MMP16: variants seen among roughly 807,000 people sequenced by gnomAD.
MMP16 encodes matrix metalloproteinase-16.
In MMP16, 12 loss-of-function variants were observed where a neutral mutation model predicts 67.8. The observed-to-expected ratio is 0.18, with a 90% CI of 0.11 to 0.29. The LOEUF (loss-of-function observed/expected upper bound fraction) is 0.29. MMP16 is among the 10% of genes least tolerant of loss of function. The probability of loss-of-function intolerance (pLI) is 1.00; values close to 1 mark genes in which losing one functional copy is unlikely to be tolerated. For missense variants in MMP16, 475 were observed against 765.7 expected (o/e 0.62, Z 4.48); for synonymous variants, 249 against 255.9 (o/e 0.97, Z 0.26).
intron 4 of MMP16, among the ~76,000 whole-genome samples, chr8:88,123,090 G>A (rs1807867737): frequency 6.6e-6 from 1 of 151,898 alleles, no homozygotes; most frequent in Non-Finnish European, 1.5e-5. Flanking sequence ...ATAAATTGTT[G>A]TTTTAAGTTG....
At chr8:88,105,591 T>C (rs1403881018) in intron 6 of MMP16, among the ~76,000 whole-genome samples, 1 of 151,354 alleles carries the variant, frequency 6.6e-6, no homozygotes, top group Non-Finnish European at 1.5e-5. Context: ...CTATGGAAAA[T>C]TGGTTGCCCC....
At chr8:88,109,120 T>C (rs1445119028) in intron 6 of MMP16, among the ~76,000 whole-genome samples, 2 of 151,380 alleles carry the variant, frequency 1.3e-5, no homozygotes, top group African/African-American at 4.8e-5. Flanking sequence ...ATTTATTGAA[T>C]GTTATGAATG....
At chr8:88,165,007 T>G (rs1808688074) in intron 4 of MMP16, among the ~76,000 whole-genome samples, 1 of 151,538 alleles carries the variant, frequency 6.6e-6, no homozygotes, top group South Asian at 2.1e-4. Context: ...TGTCATAAAA[T>G]CTCCCTGTAG....
intron 1 of MMP16, among the ~76,000 whole-genome samples, chr8:88,301,022 A>G (rs765652878): frequency 1.3e-5 from 2 of 152,228 alleles, no homozygotes; most frequent in Non-Finnish European, 2.9e-5. Flanking sequence ...TTAATGTAAG[A>G]GCAGGGATCA....
At chr8:88,217,540 C>A (rs1318055711) in intron 1 of MMP16, among the ~76,000 whole-genome samples, 1 of 152,054 alleles carries the variant, frequency 6.6e-6, no homozygotes, top group Non-Finnish European at 1.5e-5. Context: ...TTACACCCTT[C>A]TCTGCCAATG....
At chr8:88,241,346 T>C (rs891188954) in intron 1 of MMP16, among the ~76,000 whole-genome samples, 2 of 152,124 alleles carry the variant, frequency 1.3e-5, no homozygotes, top group Admixed American at 6.5e-5. Flanking sequence ...TTTTTACTTC[T>C]AGCTTATTGC....
chr8:88,083,347 C>T (rs562936447), intron 6 of MMP16, among the ~76,000 whole-genome samples: 1 of 152,078 alleles, frequency 6.6e-6, no homozygotes, highest in Admixed American at 6.6e-5. Context: ...ATCAGGGCTT[C>T]TTGGAGAATA....
chr8:88,098,119 A>C (rs916312302), intron 6 of MMP16, among the ~76,000 whole-genome samples: 2 of 151,996 alleles, frequency 1.3e-5, no homozygotes, highest in African/African-American at 4.8e-5. Context: ...GAAAACTATT[A>C]TGCTCATCGA....
chr8:88,174,946 G>T (rs551566124), intron 3 of MMP16, among the ~76,000 whole-genome samples: 1 of 152,162 alleles, frequency 6.6e-6, no homozygotes, highest in African/African-American at 2.4e-5. Flanking sequence ...TAGAGATGGG[G>T]TTTCACCATG....
chr8:88,292,290 T>C (rs182085419), intron 1 of MMP16, among the ~76,000 whole-genome samples: 1 of 152,328 alleles, frequency 6.6e-6, no homozygotes, highest in African/African-American at 2.4e-5. Context: ...GCTTTAACTC[T>C]TAATCAATTG....
intron 3 of MMP16, among the ~76,000 whole-genome samples, chr8:88,177,417 T>G (rs937856395): frequency 6.6e-6 from 1 of 152,074 alleles, no homozygotes; most frequent in Admixed American, 6.6e-5. Flanking sequence ...ATACAGAGAC[T>G]CACGGTTTAT....
rs1461293807 is a variant in MMP16 at position 88,032,427 on chromosome 8, A to C, written c.*9034T>G. On this transcript the variant is annotated 3_prime_UTR_variant, in exon 10 of 10. Coordinates refer to ENST00000286614, the MANE Select transcript of MMP16 (RefSeq NM_005941.5). ...TGACCTTTAATGACGCAACATTATA[A>C]GGAGTTAAAAGAGATAGTAGCTTGG... The C allele has an allele frequency of 1.3e-5, 2 of 152,198 alleles. No homozygotes were observed. The highest frequency in any genetic ancestry group is 2.9e-5 in the Non-Finnish European group (2 of 68,034). 9.4% of individuals were successfully genotyped at this position (152,198 alleles called of 1,614,324 possible).
chr8:88,069,868 C>A (rs962844804), intron 7 of MMP16, among the ~76,000 whole-genome samples: 6 of 152,048 alleles, frequency 3.9e-5, no homozygotes, highest in African/African-American at 9.7e-5. Flanking sequence ...AAATCTCAGA[C>A]CCTTTACAGT....
At chr8:88,055,903 A>G (rs1808326457) in intron 8 of MMP16, among the ~76,000 whole-genome samples, 1 of 152,224 alleles carries the variant, frequency 6.6e-6, no homozygotes, top group Non-Finnish European at 1.5e-5. Context: ...GAAAAAAAAC[A>G]TATGCTAGGT....
chr8:88,191,686 T>A (rs2337517), intron 2 of MMP16, among the ~76,000 whole-genome samples: 100,038 of 152,086 alleles, frequency 0.66, 35,469 homozygotes, highest in Non-Finnish European at 0.82. Context: ...CACACATATA[T>A]CTGAAAGTGT....
At chr8:88,042,278 A>C (rs2118187981) in intron 9 of MMP16, among the ~76,000 whole-genome samples, 1 of 152,328 alleles carries the variant, frequency 6.6e-6, no homozygotes, top group Middle Eastern at 3.4e-3. Flanking sequence ...AAACACCTCA[A>C]GGGAAATTTC....
rs187491798 is a variant in MMP16, at chr8:88,149,273, G to T, written c.709+18396C>A. 1.2e-4 allele frequency among the ~76,000 whole-genome samples: 19 copies of T among 152,334 alleles called. No individual in the cohort carries two copies. In the South Asian group the frequency reaches 2.7e-3, roughly 22 times the overall value. On this transcript the variant is annotated intron_variant, in intron 4 of 9. Coordinates refer to ENST00000286614, the MANE Select transcript of MMP16 (RefSeq NM_005941.5). ...TGAGATCAAACTGCAAGGCGGCAGC[G>T]AGGCTGGGTGAGGGGCGCCCGCCAT... is the stretch of plus-strand genomic sequence containing the variant.
At chr8:88,085,607 T>C (rs1307926149) in intron 6 of MMP16, among the ~76,000 whole-genome samples, 1 of 152,094 alleles carries the variant, frequency 6.6e-6, no homozygotes, top group African/African-American at 2.4e-5. Flanking sequence ...AAGTGAAATA[T>C]TAACAAGTGA....
At chr8:88,232,366 A>G (rs2129876177) in intron 1 of MMP16, among the ~76,000 whole-genome samples, 1 of 152,292 alleles carries the variant, frequency 6.6e-6, no homozygotes, top group South Asian at 2.1e-4. Flanking sequence ...AGCACTATTT[A>G]GATTCTGTAA....
Sources: gnomAD v4.1 joint callset for allele counts (sites outside exome capture counted in the v4.1 genomes callset) on GRCh38, gnomAD v4.1.1 for gene constraint, MANE v1.5 for transcripts, NCBI Gene and HGNC (gene_info 2026-07-23, HGNC 2026-07-21) for gene names.